OTOS: variants seen among roughly 807,000 people sequenced by gnomAD.
OTOS encodes otospiralin.
OTOS carries 14 observed loss-of-function variants against 12.5 expected under a neutral mutation model. The observed-to-expected ratio is 1.12, with a 90% CI of 0.74 to 1.76. OTOS has a LOEUF of 1.76. Among genes scored for constraint, OTOS ranks in the 40% most tolerant of loss-of-function variants. The pLI is 0.00. For missense variants in OTOS, 141 were observed against 112.8 expected, an observed-to-expected ratio of 1.25 and a Z score of -1.13; for synonymous variants, 49 against 47.6, an observed-to-expected ratio of 1.03 and a Z score of -0.12.
At position 240,140,337 on chromosome 2, in the gene OTOS, C is replaced by G. The variant is rs1452536811; in HGVS notation, c.-11G>C. On this transcript the variant is annotated 5_prime_UTR_variant, in exon 2 of 4. Coordinates refer to ENST00000319460, the MANE Select transcript of OTOS (RefSeq NM_148961.4). The stretch of plus-strand genomic sequence containing the variant: ...CATGCAGGCCTGCATCTTCCCGGTG[C>G]TTCCTGATCTGCGACTCAGGCCCAC... 2 of 1,574,258 alleles carry G rather than the reference C, an allele frequency of 1.3e-6. No individual in the cohort carries two copies. Among genetic ancestry groups the G allele is most frequent in the Non-Finnish European group, 1.7e-6 (2 of 1,158,874 alleles).
rs370161736 is a variant in OTOS at position 240,140,062 on chromosome 2, C to G, written c.85G>C (p.Asp29His). Residue 29 changes from aspartate (D) to histidine (H), a missense_variant and splice_region_variant, in exon 3 of 4, where the codon GAC (aspartate) becomes CAC (histidine). Asp to His is a moderately conservative substitution (Grantham distance 81). Transcript: ENST00000319460. ...AGAKPVQEEGDPYAELPAMPY... is the reference protein window; with the variant it reads ...AGAKPVQEEGHPYAELPAMPY... ...AAGGAAAGAAATTGGAGAACGGTAC[C>G]TCCTTCCTCCTGCACAGGCTTGGCC... 6.2e-7 allele frequency: 1 copy of G among 1,613,232 alleles called. No homozygotes were observed.
At position 240,139,234 on chromosome 2, in the gene OTOS, G is replaced by T. The variant is rs575016809; in HGVS notation, c.206C>A (p.Thr69Asn). 32 of 1,614,180 alleles carry T rather than the reference G, an allele frequency of 2.0e-5. No individual in the cohort carries two copies. The South Asian group carries it at 2.4e-4, about 12-fold the overall frequency. ...CCCCAGGGGGAAGTGGGCAAAGAAGGTTCGGGCCATGTCCTCGATCTGGGG... is the reference window on the plus strand; with the variant it reads ...CCCCAGGGGGAAGTGGGCAAAGAAGTTTCGGGCCATGTCCTCGATCTGGGG... ...AYPQIEDMAR[T>N]FFAHFPLGST... is the part of the protein sequence containing the mutation. Residue 69 changes from threonine (T) to asparagine (N), a missense_variant, in exon 4 of 4, where the codon ACC (threonine) becomes AAC (asparagine). Coordinates refer to ENST00000319460, the MANE Select transcript of OTOS (RefSeq NM_148961.4).
intron 3 of OTOS, 93 bp downstream of exon 3, chr2:240,139,969 T>C: frequency 4.8e-6 from 7 of 1,460,908 alleles, no homozygotes; most frequent in Non-Finnish European, 6.6e-6. Context: ...TGCGTCTGCT[T>C]GGGATAAGAA....
chr2:240,139,448 C>G lies in OTOS; in HGVS notation c.86-94G>C, dbSNP rs1376747700. The G allele has an allele frequency of 3.8e-6, 5 of 1,321,818 alleles. No homozygotes were observed. In the East Asian group the frequency reaches 1.2e-4, roughly 31 times the overall value. 81.9% of individuals were successfully genotyped at this position (1,321,818 alleles called of 1,614,324 possible). A position where few individuals can be genotyped will look rare whatever the true frequency, so the allele number is the denominator to read the frequency against. On this transcript the variant is annotated intron_variant, in intron 3 of 3. Coordinates refer to ENST00000319460, the MANE Select transcript of OTOS (RefSeq NM_148961.4). The stretch of plus-strand genomic sequence containing the variant: ...GGTCTCAAGGCAAGTGGATGGTTCC[C>G]AGCTCTACCTACAGTGATACAACCT...
chr2:240,139,752 G>A (rs1306330000), intron 3 of OTOS, among the ~76,000 whole-genome samples: 1 of 152,192 alleles, frequency 6.6e-6, no homozygotes, highest in African/African-American at 2.4e-5. Flanking sequence ...AGAGTTGGGA[G>A]GGCCTGGGGG....
chr2:240,140,399 C>T lies in OTOS; in HGVS notation c.-73G>A, dbSNP rs2072046200. ...TGAACCCAGGAAGGGCGAGACCACC[C>T]ATCCGTCAGGGCCGGCTTCCTCTAC... On this transcript the variant is annotated 5_prime_UTR_variant, in exon 2 of 4. The change abolishes an upstream ATG in the 5' untranslated region. Transcript: ENST00000319460. The T allele has an allele frequency of 4.1e-6, 6 of 1,470,458 alleles. No individual in the cohort carries two copies. The highest frequency in any genetic ancestry group is 4.6e-6 in the Non-Finnish European group (5 of 1,095,306). 91.1% of individuals were successfully genotyped at this position (1,470,458 alleles called of 1,614,324 possible).
chr2:240,139,855 C>T (rs2072038908), intron 3 of OTOS, among the ~76,000 whole-genome samples: 1 of 152,076 alleles, frequency 6.6e-6, no homozygotes, highest in Non-Finnish European at 1.5e-5. Flanking sequence ...AGGGCAGGGT[C>T]CCAGCTGGAA....
chr2:240,140,485 G>A, intron 1 of OTOS, 41 bp from the exon 2 acceptor site: 1 of 707,256 alleles, frequency 1.4e-6, no homozygotes, highest in East Asian at 2.9e-5. Flanking sequence ...AATTCTTACT[G>A]TTTTCCTAGC....
At position 240,139,218 on chromosome 2, in the gene OTOS, G is replaced by A. The variant is rs1265635657; in HGVS notation, c.222C>T (p.Phe74=). The A allele has an allele frequency of 2.5e-6, 4 of 1,614,010 alleles. No homozygotes were observed. The highest frequency in any genetic ancestry group is 2.2e-5 in the East Asian group (1 of 44,868). The stretch of plus-strand genomic sequence containing the variant: ...GGAAGCCCAGCGTGCTCCCCAGGGG[G>A]AAGTGGGCAAAGAAGGTTCGGGCCA... ...EDMARTFFAH[F]PLGSTLGFHV... is the part of the protein sequence containing the mutation. Residue 74 remains phenylalanine (F), a synonymous_variant, in exon 4 of 4, where the codon TTC becomes TTT. Transcript: ENST00000319460.
rs1003204291 is a variant in OTOS at position 240,139,041 on chromosome 2, C to T, written c.*129G>A. 2.1e-6 allele frequency: 2 copies of T among 939,380 alleles called. No individual in the cohort carries two copies. Among genetic ancestry groups the T allele is most frequent in the South Asian group, 3.8e-5 (2 of 52,904 alleles). The allele number at this position is 939,380 out of a possible 1,614,324, so 58.2% of individuals were successfully genotyped here. On this transcript the variant is annotated 3_prime_UTR_variant, in exon 4 of 4. Coordinates refer to ENST00000319460, the MANE Select transcript of OTOS (RefSeq NM_148961.4). ...ACAACGCTGGTTGTGCATCTTCAGT[C>T]CGGAGTTTATTGAGCGTGAGACCAG... is the stretch of plus-strand genomic sequence containing the variant.
At position 240,139,551 on chromosome 2, in the gene OTOS, A is replaced by AAGGGGAAGAGAGGG. The variant is rs1553596347; in HGVS notation, c.86-211_86-198dup. Among the ~76,000 whole-genome samples, 1,211 of 144,732 alleles carry AAGGGGAAGAGAGGG rather than the reference A, an allele frequency of 8.4e-3. 19 individuals are homozygous for AAGGGGAAGAGAGGG. The highest frequency in any genetic ancestry group is 0.029 in the African/African-American group (1,161 of 40,006). 94.9% of individuals were successfully genotyped at this position (144,732 alleles called of 152,430 possible). Reference sequence around the variant, plus strand: ...GTCGGGGAGACAGAGGAAGAAGAAGAAGGGGAAGAGAGGGAGGGAAGCCCT... The same window carrying AAGGGGAAGAGAGGG: ...GTCGGGGAGACAGAGGAAGAAGAAGAAGGGGAAGAGAGGGAGGGGAAGAGAGGGAGGGAAGCCCT... On this transcript the variant is annotated intron_variant, in intron 3 of 3. Coordinates refer to ENST00000319460, the MANE Select transcript of OTOS (RefSeq NM_148961.4).
rs773050122 is a variant in OTOS at position 240,139,308 on chromosome 2, G to A, written c.132C>T (p.Thr44=). Residue 44 remains threonine (T), a synonymous_variant, in exon 4 of 4, where the codon ACC becomes ACT. Coordinates refer to ENST00000319460, the MANE Select transcript of OTOS (RefSeq NM_148961.4). ...LPAMPYWPFS[T]SDFWNYVQHF... ...GCTGCACATAGTTCCAGAAGTCAGA[G>A]GTGGAGAAAGGCCAGTAGGGCATGG... 2.5e-6 allele frequency: 4 copies of A among 1,614,178 alleles called. No homozygotes were observed. The highest frequency in any genetic ancestry group is 4.5e-5 in the East Asian group (2 of 44,868).
At chr2:240,140,173 G>C in intron 2 of OTOS, 85 bp from the exon 3 acceptor site, 2 of 1,598,732 alleles carry the variant, frequency 1.3e-6, no homozygotes, top group Non-Finnish European at 1.7e-6. Flanking sequence ...AGGGCTCTAA[G>C]GTTTCCTAGC....
intron 1 of OTOS, 31 bp from the exon 2 acceptor site, chr2:240,140,475 A>C: frequency 1.3e-6 from 1 of 759,298 alleles, no homozygotes; most frequent in East Asian, 2.9e-5. Flanking sequence ...TTAAAAAAAA[A>C]ATTCTTACTG....
Position 240,139,063 on chromosome 2 carries a change from C to G in OTOS, c.*107G>C. The G allele has an allele frequency of 8.2e-7, 1 of 1,221,808 alleles. No individual in the cohort carries two copies. The highest frequency in any genetic ancestry group is 1.1e-6 in the Non-Finnish European group (1 of 879,664). The allele number at this position is 1,221,808 out of a possible 1,614,324, so 75.7% of individuals were successfully genotyped here. A position where few individuals can be genotyped will look rare whatever the true frequency, so the allele number is the denominator to read the frequency against. On this transcript the variant is annotated 3_prime_UTR_variant, in exon 4 of 4. Transcript: ENST00000319460. ...AGTCCGGAGTTTATTGAGCGTGAGACCAGGCCTGACTCCTGCAGGGGCCAG... is the reference window on the plus strand; with the variant it reads ...AGTCCGGAGTTTATTGAGCGTGAGAGCAGGCCTGACTCCTGCAGGGGCCAG...
In OTOS at chr2:240,140,303, C is replaced by A; in HGVS notation, c.24G>T (p.Gly8=). 6.3e-7 allele frequency: 1 copy of A among 1,595,930 alleles called. No homozygotes were observed. The highest frequency in any genetic ancestry group is 8.5e-7 in the Non-Finnish European group (1 of 1,171,198). The change falls in exon 2 of 4, where the codon GGG becomes GGT. Residue 8 remains glycine (G), a synonymous_variant. Coordinates refer to ENST00000319460, the MANE Select transcript of OTOS (RefSeq NM_148961.4). ...GCCCCAGTAGGAGGCAGAGGGCCAGCCCCGGCACCATGCAGGCCTGCATCT... is the reference window on the plus strand; with the variant it reads ...GCCCCAGTAGGAGGCAGAGGGCCAGACCCGGCACCATGCAGGCCTGCATCT... MQACMVP[G]LALCLLLGPL...
At chr2:240,139,468 C>A (rs1297264054) in intron 3 of OTOS, 114 bp from the exon 4 acceptor site, 2 of 1,108,092 alleles carry the variant, frequency 1.8e-6, no homozygotes, top group Non-Finnish European at 2.6e-6. Flanking sequence ...TACAGTGATA[C>A]AACCTTCCCA....
chr2:240,140,186 C>T (rs1322639287), intron 2 of OTOS, 83 bp downstream of exon 2: 3 of 1,593,172 alleles, frequency 1.9e-6, no homozygotes, highest in African/African-American at 1.3e-5. Flanking sequence ...TTCCTAGCAG[C>T]CTGGGGATGC....
intron 1 of OTOS, 35 bp from the exon 2 acceptor site, chr2:240,140,479 C>A: frequency 1.3e-6 from 1 of 749,236 alleles, no homozygotes; most frequent in South Asian, 2.0e-5. Flanking sequence ...AAAAAAAATT[C>A]TTACTGTTTT....
Sources: allele counts gnomAD v4.1 joint callset (sites outside exome capture counted in the v4.1 genomes callset), GRCh38; gene constraint gnomAD v4.1.1; transcripts MANE v1.5; gene names NCBI Gene and HGNC (gene_info 2026-07-23, HGNC 2026-07-21).